DIP2A: variants seen among roughly 807,000 people sequenced by gnomAD.
DIP2A encodes DIP2 acetate--CoA ligase A.
In DIP2A, 85 loss-of-function variants were observed where a neutral mutation model predicts 177.4. That is an observed-to-expected ratio of 0.48 (90% CI 0.40 to 0.57). The LOEUF (loss-of-function observed/expected upper bound fraction) is 0.57, where lower values mean the gene tolerates loss of function less well. Among genes scored for constraint, DIP2A ranks in the 20% least tolerant of loss-of-function variants. The probability of loss-of-function intolerance (pLI) is 0.00; values close to 1 mark genes in which losing one functional copy is unlikely to be tolerated. For missense variants in DIP2A, 1,791 were observed against 2,100.2 expected, an observed-to-expected ratio of 0.85 and a Z score of 2.88; for synonymous variants, 886 against 881.8, an observed-to-expected ratio of 1.00 and a Z score of -0.08.
At chr21:46,549,103 C>T (rs1404119001) in intron 21 of DIP2A, among the ~76,000 whole-genome samples, 1 of 152,096 alleles carries the variant, frequency 6.6e-6, no homozygotes, top group Non-Finnish European at 1.5e-5. Flanking sequence ...GAACTCAGTA[C>T]TAGGTGAGGT....
intron 18 of DIP2A, among the ~76,000 whole-genome samples, chr21:46,542,726 G>GGGCAGCC (rs2148822640): frequency 6.6e-6 from 1 of 152,328 alleles, no homozygotes; most frequent in South Asian, 2.1e-4. Context: ...TGGGGTTCAC[G>GGGCAGCC]GGCAGCTGTC....
the DIP2A span, among the ~76,000 whole-genome samples, chr21:46,578,086 G>T: frequency 1.3e-5 from 2 of 152,142 alleles, no homozygotes; most frequent in South Asian, 4.2e-4. Context: ...GGCCGAGGTG[G>T]GTGGATCACG....
chr21:46,506,778 TTTTCTTTCTTTTC>T (rs2058030561), intron 6 of DIP2A, among the ~76,000 whole-genome samples: 2 of 128,174 alleles, frequency 1.6e-5, no homozygotes, highest in African/African-American at 2.8e-5. Context: ...CTTTCTTTTC[TTTTCTTTCTTTTC>T]TTTCTTTCTT....
intron 5 of DIP2A, among the ~76,000 whole-genome samples, chr21:46,502,833 C>A (rs972689090): frequency 6.6e-6 from 1 of 152,028 alleles, no homozygotes; most frequent in South Asian, 2.1e-4. Context: ...AGACACAGTG[C>A]CTTTCCTAGT....
rs764376914 is a variant in DIP2A at position 46,498,741 on chromosome 21, G to C, written c.563G>C (p.Gly188Ala). 6.6e-5 allele frequency: 106 copies of C among 1,613,762 alleles called. 1 individual carries two copies. Among genetic ancestry groups the C allele is most frequent in the Non-Finnish European group, 7.6e-6 (9 of 1,179,896 alleles). ...GCATCCTCCACCTCATCTCACCCGG[G>C]AGGGAGACCCACCACTGCTCCCAGT... ...SSASSTSSHP[G>A]GRPTTAPSAA... Residue 188 changes from glycine (G) to alanine (A), a missense_variant, in exon 5 of 38, where the codon GGA becomes GCA. By Grantham distance (60) the Gly-to-Ala change is moderately conservative (BLOSUM62 0). Transcript: ENST00000417564. The surrounding 1 kb of genome is among the most constrained non-coding windows in gnomAD (Gnocchi z 4.3).
chr21:46,490,397 G>A (rs2056941439), intron 2 of DIP2A, among the ~76,000 whole-genome samples: 1 of 152,174 alleles, frequency 6.6e-6, no homozygotes, highest in Non-Finnish European at 1.5e-5. Context: ...GGCAGGGCTG[G>A]GTGATGTGGG....
intron 2 of DIP2A, among the ~76,000 whole-genome samples, chr21:46,489,982 A>T (rs1253162353): frequency 6.6e-6 from 1 of 152,020 alleles, no homozygotes; most frequent in African/African-American, 2.4e-5. Flanking sequence ...ATCTGCCCTG[A>T]TTTGGAGGCG....
chr21:46,507,867 AT>A (rs1009065155), intron 6 of DIP2A, among the ~76,000 whole-genome samples: 2 of 149,264 alleles, frequency 1.3e-5, no homozygotes, highest in African/African-American at 4.9e-5. Flanking sequence ...CACTTGGCTA[AT>A]TTTTTTTTCT....
At chr21:46,571,395 A>G (rs1449221229), downstream of DIP2A, among the ~76,000 whole-genome samples, 1 of 152,206 alleles carries the variant, frequency 6.6e-6, no homozygotes, top group Non-Finnish European at 1.5e-5. Flanking sequence ...TAGTGGGCCA[A>G]TATATTGAAA....
At chr21:46,522,841 A>G (rs1436203790) in intron 8 of DIP2A, among the ~76,000 whole-genome samples, 1 of 152,162 alleles carries the variant, frequency 6.6e-6, no homozygotes, top group Non-Finnish European at 1.5e-5. Flanking sequence ...TGTTTCCCCC[A>G]AAGAGTCCCA....
chr21:46,514,533 T>G (rs1164190775), intron 8 of DIP2A, among the ~76,000 whole-genome samples: 3 of 152,042 alleles, frequency 2.0e-5, no homozygotes, highest in African/African-American at 7.2e-5. Context: ...CTATATATCT[T>G]TTGTATTACC....
At chr21:46,485,078 T>G (rs1209884371) in intron 2 of DIP2A, among the ~76,000 whole-genome samples, 1 of 152,204 alleles carries the variant, frequency 6.6e-6, no homozygotes, top group East Asian at 1.9e-4. Flanking sequence ...TTGATACAGA[T>G]CTCAGATCTC....
chr21:46,534,724 G>T, intron 13 of DIP2A, 37 bp downstream of exon 13: 2 of 1,546,930 alleles, frequency 1.3e-6, no homozygotes, highest in Non-Finnish European at 8.8e-7. Flanking sequence ...GGCCCCTCCA[G>T]CCTCACACAG....
intron 8 of DIP2A, among the ~76,000 whole-genome samples, chr21:46,516,112 T>C (rs370722221): frequency 3.3e-5 from 5 of 152,170 alleles, no homozygotes; most frequent in African/African-American, 1.2e-4. Flanking sequence ...GACAGTAATG[T>C]GTATGGCCGC....
chr21:46,536,479 C>T (rs2059575994), intron 13 of DIP2A, among the ~76,000 whole-genome samples: 1 of 152,178 alleles, frequency 6.6e-6, no homozygotes, highest in Non-Finnish European at 1.5e-5. Context: ...GGGGAGATGC[C>T]GGATCACGGC....
In DIP2A at chr21:46,504,421, G is replaced by A. The variant is rs201002582; in HGVS notation, c.716G>A (p.Arg239His). The change falls in exon 6 of 38, where the codon CGT (arginine) becomes CAT (histidine). Residue 239 changes from arginine (R) to histidine (H), a missense_variant. Arg to His is a conservative substitution (Grantham distance 29, BLOSUM62 0). Transcript: ENST00000417564. ...TGLVEHSYFERPQVASVRSVP... is the reference protein window; with the variant it reads ...TGLVEHSYFEHPQVASVRSVP... ...CTCGTGGAGCATTCGTACTTTGAGC[G>A]TCCACAGGTGGCTTCTGTGAGAAGT... 2.2e-4 allele frequency: 359 copies of A among 1,613,798 alleles called. No homozygotes were observed. The highest frequency in any genetic ancestry group is 2.8e-4 in the Non-Finnish European group (325 of 1,179,836).
intron 5 of DIP2A, among the ~76,000 whole-genome samples, chr21:46,503,916 G>C (rs934386297): frequency 1.3e-5 from 2 of 152,148 alleles, no homozygotes; most frequent in Non-Finnish European, 1.5e-5. Context: ...AGTAGAGACG[G>C]GGTTTCGCCA....
At chr21:46,514,996 G>A (rs1447041060) in intron 8 of DIP2A, among the ~76,000 whole-genome samples, 1 of 152,008 alleles carries the variant, frequency 6.6e-6, no homozygotes, top group Non-Finnish European at 1.5e-5. Flanking sequence ...AATCCCACTT[G>A]GCCATAATAT....
At chr21:46,503,212 A>G (rs2057752719) in intron 5 of DIP2A, among the ~76,000 whole-genome samples, 1 of 151,988 alleles carries the variant, frequency 6.6e-6, no homozygotes, top group African/African-American at 2.4e-5. Context: ...AATCCCAGCT[A>G]CTTGGGGGAC....
Sources: allele counts gnomAD v4.1 joint callset (sites outside exome capture counted in the v4.1 genomes callset), GRCh38; gene constraint gnomAD v4.1.1; non-coding constraint Gnocchi (gnomAD v3.1); transcripts MANE v1.5; gene names NCBI Gene and HGNC (gene_info 2026-07-23, HGNC 2026-07-21).